The following RASGRF2 variants were observed in gnomAD, a reference collection of about 807,000 sequenced individuals.
RASGRF2 encodes the protein ras-specific guanine nucleotide-releasing factor 2.
In RASGRF2, 76 loss-of-function variants were observed where a neutral mutation model predicts 151.0. That is an observed-to-expected ratio of 0.50 (90% CI 0.42 to 0.61). RASGRF2 has a LOEUF of 0.61. RASGRF2 is among the 20% of genes least tolerant of loss of function. The probability of loss-of-function intolerance (pLI) is 0.00; values close to 1 mark genes in which losing one functional copy is unlikely to be tolerated. For synonymous variants in RASGRF2, 504 were observed against 566.5 expected (o/e 0.89, Z 1.57); for missense variants, 1,148 against 1,564.6 (o/e 0.73, Z 4.49).
In RASGRF2 at chr5:80,982,846, C is replaced by T. The variant is rs755085255; in HGVS notation, c.288+21820C>T. 1.2e-4 allele frequency among the ~76,000 whole-genome samples: 18 copies of T among 152,110 alleles called. No homozygotes were observed. The South Asian group carries it at 1.2e-3, about 11-fold the overall frequency. On this transcript the variant is annotated intron_variant, in intron 1 of 26. Transcript: ENST00000265080. The stretch of plus-strand genomic sequence containing the variant: ...CGATCTCCTGACCTCATGATCTGCC[C>T]GCCTGGGCCTCCCAAAGTGCTGGGA...
intron 17 of RASGRF2, among the ~76,000 whole-genome samples, chr5:81,145,561 T>TAG (rs1753987032): frequency 6.6e-6 from 1 of 152,190 alleles, no homozygotes; most frequent in Admixed American, 6.5e-5. Context: ...CATCAAAAGC[T>TAG]TAGCACCTTT....
intron 17 of RASGRF2, among the ~76,000 whole-genome samples, chr5:81,148,106 C>A (rs1164710496): frequency 6.6e-6 from 1 of 152,178 alleles, no homozygotes; most frequent in South Asian, 2.1e-4. Context: ...CCTACGTATT[C>A]ATTACAACGA....
chr5:81,079,607 T>C (rs1313999404), intron 5 of RASGRF2, among the ~76,000 whole-genome samples: 1 of 152,228 alleles, frequency 6.6e-6, no homozygotes, highest in Non-Finnish European at 1.5e-5. Context: ...AGTATCTCTG[T>C]GTAGGCTTCA....
At chr5:81,110,777 G>C (rs962618835) in intron 13 of RASGRF2, among the ~76,000 whole-genome samples, 2 of 152,172 alleles carry the variant, frequency 1.3e-5, no homozygotes, top group Non-Finnish European at 2.9e-5. Flanking sequence ...AATTTTCTCA[G>C]ATCTTTTTAC....
chr5:80,963,864 AGTCCAC>A (rs1747640562), intron 1 of RASGRF2, among the ~76,000 whole-genome samples: 2 of 152,198 alleles, frequency 1.3e-5, no homozygotes, highest in African/African-American at 4.8e-5. Context: ...GGGAGCTTAA[AGTCCAC>A]ATATCCTTCA....
intron 12 of RASGRF2, among the ~76,000 whole-genome samples, chr5:81,099,916 T>C (rs1752651036): frequency 6.7e-6 from 1 of 148,306 alleles, no homozygotes; most frequent in African/African-American, 2.5e-5. Flanking sequence ...TCTTTTTTTT[T>C]TTTTTTTTTG....
chr5:81,081,772 C>T (rs1349931984), intron 7 of RASGRF2, among the ~76,000 whole-genome samples: 3 of 152,268 alleles, frequency 2.0e-5, no homozygotes, highest in Admixed American at 1.3e-4. Flanking sequence ...CAGTCCTGCT[C>T]GAAATCCTGG....
intron 9 of RASGRF2, chr5:81,087,422 A>G (rs1370854315): frequency 4.5e-6 from 3 of 669,040 alleles, no homozygotes; most frequent in South Asian, 1.6e-5. Context: ...GCCCCACACG[A>G]TATAATTTGA....
intron 5 of RASGRF2, 83 bp from the exon 6 acceptor site, chr5:81,080,038 A>G: frequency 6.7e-7 from 1 of 1,493,606 alleles, no homozygotes; most frequent in Non-Finnish European, 8.9e-7. Context: ...TTATGTATAT[A>G]TTAAGGCTTT....
intron 1 of RASGRF2, among the ~76,000 whole-genome samples, chr5:80,985,293 G>C (rs1459401402): frequency 2.6e-5 from 4 of 152,172 alleles, no homozygotes; most frequent in African/African-American, 7.2e-5. Flanking sequence ...GATTCTCTTT[G>C]ATGGGGAAGA....
At chr5:81,158,704 C>A (rs188362774) in intron 17 of RASGRF2, among the ~76,000 whole-genome samples, 1 of 152,044 alleles carries the variant, frequency 6.6e-6, no homozygotes, top group Non-Finnish European at 1.5e-5. Context: ...GTGTCAATGT[C>A]GTTAGTCATT....
In RASGRF2 at chr5:81,228,752, T is replaced by C. The variant is rs574692703; in HGVS notation, c.*2982T>C. The C allele has an allele frequency of 6.6e-6, 1 of 152,358 alleles. No homozygotes were observed. The highest frequency in any genetic ancestry group is 1.5e-5 in the Non-Finnish European group (1 of 68,040). 9.4% of individuals were successfully genotyped at this position (152,358 alleles called of 1,614,324 possible). A position where few individuals can be genotyped will look rare whatever the true frequency, so the allele number is the denominator to read the frequency against. On this transcript the variant is annotated 3_prime_UTR_variant, in exon 27 of 27. Coordinates refer to ENST00000265080, the MANE Select transcript of RASGRF2 (RefSeq NM_006909.3). ...CTCTTACCTAATCCAATATATTATT[T>C]GACAGATTCAGGCATGAAGTAAAAC...
intron 2 of RASGRF2, among the ~76,000 whole-genome samples, chr5:81,050,531 A>T (rs534000522): frequency 5.1e-4 from 77 of 152,040 alleles, no homozygotes; most frequent in Non-Finnish European, 6.9e-4. Flanking sequence ...CTCTGAGCTG[A>T]CCTCTGCGAA....
At chr5:81,197,858 T>C (rs1215781793) in intron 18 of RASGRF2, among the ~76,000 whole-genome samples, 1 of 152,230 alleles carries the variant, frequency 6.6e-6, no homozygotes, top group African/African-American at 2.4e-5. Flanking sequence ...GTTCAGTTCA[T>C]CTCTGAATAC....
chr5:80,961,379 T>C (rs890909696), intron 1 of RASGRF2, among the ~76,000 whole-genome samples: 1 of 152,074 alleles, frequency 6.6e-6, no homozygotes, highest in African/African-American at 2.4e-5. Context: ...TTGACACCTG[T>C]TGGGTGTAGA....
chr5:80,982,568 A>G (rs1219282050), intron 1 of RASGRF2, among the ~76,000 whole-genome samples: 1 of 81,514 alleles, frequency 1.2e-5, no homozygotes, highest in African/African-American at 4.0e-5. Context: ...GAAGTGGGAT[A>G]GAAATTTGGT....
At chr5:81,156,128 T>C (rs571787531) in intron 17 of RASGRF2, among the ~76,000 whole-genome samples, 11 of 139,122 alleles carry the variant, frequency 7.9e-5, no homozygotes, top group Admixed American at 7.4e-4. Context: ...TGATCAAAAC[T>C]GATTCAAAAG....
intron 2 of RASGRF2, among the ~76,000 whole-genome samples, chr5:81,067,819 A>G (rs554071348): frequency 6.6e-6 from 1 of 152,336 alleles, no homozygotes; most frequent in East Asian, 1.9e-4. Context: ...CATTAAGTGA[A>G]TTCTTAGTAA....
intron 9 of RASGRF2, chr5:81,087,353 A>G (rs773128781): frequency 2.8e-6 from 2 of 702,660 alleles, no homozygotes; most frequent in Non-Finnish European, 2.6e-6. Flanking sequence ...ACTGGGGACC[A>G]TGTCCGAAGT....
Sources: gnomAD v4.1 joint callset for allele counts (sites outside exome capture counted in the v4.1 genomes callset) on GRCh38, gnomAD v4.1.1 for gene constraint, MANE v1.5 for transcripts, NCBI Gene and HGNC (gene_info 2026-07-23, HGNC 2026-07-21) for gene names.